The following PAK2 variants were observed in gnomAD, a reference collection of about 807,000 sequenced individuals.
The protein encoded by PAK2 is p21 (RAC1) activated kinase 2.
A neutral mutation model predicts 65.9 loss-of-function variants in PAK2; 21 were observed. That is an observed-to-expected ratio of 0.32 (90% CI 0.23 to 0.46). The LOEUF (loss-of-function observed/expected upper bound fraction) is 0.46. Among genes scored for constraint, PAK2 ranks in the 20% least tolerant of loss-of-function variants. The pLI is 1.00. For missense variants in PAK2, 324 were observed against 642.6 expected (o/e 0.50, Z 5.36); for synonymous variants, 204 against 219.7 (o/e 0.93, Z 0.63).
At chr3:196,783,215 A>T (rs1714767496) in intron 2 of PAK2, among the ~76,000 whole-genome samples, 2 of 152,132 alleles carry the variant, frequency 1.3e-5, no homozygotes, top group Non-Finnish European at 2.9e-5. Flanking sequence ...AGTTTTTGTG[A>T]TTCTTGAGTA....
intron 1 of PAK2, among the ~76,000 whole-genome samples, chr3:196,753,761 G>A (rs1336779089): frequency 6.6e-6 from 1 of 151,904 alleles, no homozygotes; most frequent in Non-Finnish European, 1.5e-5. Context: ...TTTTTCCTGT[G>A]CCTGGATGGT....
chr3:196,746,803 T>G (rs1329604110), intron 1 of PAK2, among the ~76,000 whole-genome samples: 2 of 130,638 alleles, frequency 1.5e-5, no homozygotes, highest in African/African-American at 3.1e-5. Context: ...AAAGTGAAAC[T>G]CTGTCTCATT....
At chr3:196,750,415 C>T (rs1713535515) in intron 1 of PAK2, among the ~76,000 whole-genome samples, 1 of 152,136 alleles carries the variant, frequency 6.6e-6, no homozygotes, top group Non-Finnish European at 1.5e-5. Context: ...TCTCCCAACT[C>T]TGATGATTTC....
At chr3:196,778,419 G>A (rs758742408) in intron 1 of PAK2, among the ~76,000 whole-genome samples, 10 of 152,314 alleles carry the variant, frequency 6.6e-5, no homozygotes, top group South Asian at 4.1e-4. Context: ...GTGGAATTGC[G>A]GGGTCGCATA....
At chr3:196,777,980 G>A (rs1390328496) in intron 1 of PAK2, among the ~76,000 whole-genome samples, 1 of 152,146 alleles carries the variant, frequency 6.6e-6, no homozygotes, top group Non-Finnish European at 1.5e-5. Flanking sequence ...CATCTCCACT[G>A]TCTTCATACC....
At chr3:196,818,402 C>CTT (rs1373861458) in intron 12 of PAK2, among the ~76,000 whole-genome samples, 3 of 152,026 alleles carry the variant, frequency 2.0e-5, no homozygotes, top group Non-Finnish European at 4.4e-5. Context: ...CTTGTCTTGT[C>CTT]TTTTTGAGAT....
chr3:196,824,192 T>G (rs967132121), intron 13 of PAK2, among the ~76,000 whole-genome samples: 12 of 151,956 alleles, frequency 7.9e-5, no homozygotes, highest in African/African-American at 2.9e-4. Flanking sequence ...AACTAAGAAA[T>G]AAAGGTCTCC....
At chr3:196,813,879 G>C (rs1276209525) in intron 10 of PAK2, among the ~76,000 whole-genome samples, 1 of 152,064 alleles carries the variant, frequency 6.6e-6, no homozygotes, top group Non-Finnish European at 1.5e-5. Context: ...GAACCCAAGA[G>C]GTGGAGGCTG....
intron 2 of PAK2, among the ~76,000 whole-genome samples, chr3:196,793,960 A>G (rs529266672): frequency 5.3e-5 from 8 of 152,044 alleles, no homozygotes; most frequent in Admixed American, 1.3e-4. Flanking sequence ...GTGAAATCCC[A>G]TCTCTACTAA....
At chr3:196,778,526 A>T (rs1269654470) in intron 1 of PAK2, among the ~76,000 whole-genome samples, 1 of 152,188 alleles carries the variant, frequency 6.6e-6, no homozygotes, top group Admixed American at 6.5e-5. Flanking sequence ...AATTGCACAG[A>T]TAGTAGATTT....
rs1712001148 is a variant in PAK2, at chr3:196,829,656, C to T, written c.*1251C>T. ...CGGTGGCATTGCCCCAGGTCGTCAG[C>T]AGTGTGGTATTATCTATGAGAACTT... On this transcript the variant is annotated 3_prime_UTR_variant, in exon 15 of 15. Coordinates refer to ENST00000327134, the MANE Select transcript of PAK2 (RefSeq NM_002577.4). The T allele has an allele frequency of 6.6e-6, 1 of 152,136 alleles. No homozygotes were observed. Among genetic ancestry groups the T allele is most frequent in the African/African-American group, 2.4e-5 (1 of 41,424 alleles). 9.4% of individuals were successfully genotyped at this position (152,136 alleles called of 1,614,324 possible). A position where few individuals can be genotyped will look rare whatever the true frequency, so the allele number is the denominator to read the frequency against.
At chr3:196,798,536 AC>A (rs1715327496) in intron 2 of PAK2, among the ~76,000 whole-genome samples, 1 of 151,834 alleles carries the variant, frequency 6.6e-6, no homozygotes, top group Admixed American at 6.6e-5. Context: ...TAGAGACGAG[AC>A]TTCACCATGT....
chr3:196,824,914 A>T (rs767477289), intron 13 of PAK2, among the ~76,000 whole-genome samples: 5 of 152,156 alleles, frequency 3.3e-5, no homozygotes, highest in African/African-American at 4.8e-5. Context: ...ATATTGGTTC[A>T]TTTGTAACAA....
At chr3:196,748,424 T>G (rs1713462861) in intron 1 of PAK2, among the ~76,000 whole-genome samples, 1 of 152,186 alleles carries the variant, frequency 6.6e-6, no homozygotes, top group Admixed American at 6.5e-5. Context: ...TAACAACATG[T>G]CTCCACCAGT....
At chr3:196,747,021 G>A (rs1256435339) in intron 1 of PAK2, among the ~76,000 whole-genome samples, 1 of 151,106 alleles carries the variant, frequency 6.6e-6, no homozygotes, top group Non-Finnish European at 1.5e-5. Context: ...TTTTATTAGT[G>A]ATTTCACTAT....
At chr3:196,774,551 G>A (rs1714475140) in intron 1 of PAK2, among the ~76,000 whole-genome samples, 1 of 152,194 alleles carries the variant, frequency 6.6e-6, no homozygotes, top group Non-Finnish European at 1.5e-5. Context: ...TAAGAATGCA[G>A]AAATAGATAC....
chr3:196,832,485 AAAAG>A lies in PAK2; in HGVS notation c.*4081_*4084del, dbSNP rs1342467000. 2 of 152,130 alleles carry A rather than the reference AAAAG, an allele frequency of 1.3e-5. No individual in the cohort carries two copies. The highest frequency in any genetic ancestry group is 4.8e-5 in the African/African-American group (2 of 41,440). 9.4% of individuals were successfully genotyped at this position (152,130 alleles called of 1,614,324 possible). On this transcript the variant is annotated 3_prime_UTR_variant, in exon 15 of 15. Coordinates refer to ENST00000327134, the MANE Select transcript of PAK2 (RefSeq NM_002577.4). The stretch of plus-strand genomic sequence containing the variant: ...CAGGGCTAGAAATAAACTTTTTAAA[AAAAG>A]TGTGCATTTTTCCCTTTCCTAAACT...
At chr3:196,789,531 C>G (rs1477827864) in intron 2 of PAK2, among the ~76,000 whole-genome samples, 1 of 151,602 alleles carries the variant, frequency 6.6e-6, no homozygotes, top group African/African-American at 2.4e-5. Flanking sequence ...GGCGTGGTCT[C>G]AGCTCACTGC....
chr3:196,822,493 A>T (rs1388390702), intron 13 of PAK2, among the ~76,000 whole-genome samples: 1 of 152,140 alleles, frequency 6.6e-6, no homozygotes, highest in Non-Finnish European at 1.5e-5. Flanking sequence ...GTTCAAGGCC[A>T]GCCTAGGCAA....
Sources: gnomAD v4.1 joint callset for allele counts (sites outside exome capture counted in the v4.1 genomes callset) on GRCh38, gnomAD v4.1.1 for gene constraint, MANE v1.5 for transcripts, NCBI Gene and HGNC (gene_info 2026-07-23, HGNC 2026-07-21) for gene names.